FAT4: variants seen among roughly 807,000 people sequenced by gnomAD.
FAT4 encodes FAT atypical cadherin 4.
FAT4 carries 84 observed loss-of-function variants against 303.9 expected under a neutral mutation model. The observed-to-expected ratio is 0.28, with a 90% CI of 0.23 to 0.33. The LOEUF is 0.33. Ranked by LOEUF, FAT4 falls within the 10% of genes least tolerant of loss-of-function variation. The pLI, the probability that FAT4 is intolerant of heterozygous loss-of-function variation, is 1.00. For synonymous variants in FAT4, 2,307 were observed against 2,298.8 expected, an observed-to-expected ratio of 1.00 and a Z score of -0.10; for missense variants, 6,005 against 6,146.8, an observed-to-expected ratio of 0.98 and a Z score of 0.77.
intron 2 of FAT4, among the ~76,000 whole-genome samples, chr4:125,353,642 A>G (rs1732317087): frequency 6.6e-6 from 1 of 151,678 alleles, no homozygotes; most frequent in South Asian, 2.1e-4. Context: ...ACATACATAT[A>G]TGTATTATAT....
intron 2 of FAT4, among the ~76,000 whole-genome samples, chr4:125,337,655 G>GTTT (rs1385328015): frequency 6.6e-6 from 1 of 151,990 alleles, no homozygotes; most frequent in Admixed American, 6.6e-5. Flanking sequence ...AAACACTTAT[G>GTTT]TAAACACAGC....
chr4:125,317,206 G>A lies in FAT4; in HGVS notation c.795G>A (p.Val265=). ...YQAGVPEDAV[V]GSSVLQVAAA... ...CGGGGGTGCCTGAGGACGCGGTTGT[G>A]GGTTCCAGCGTCCTCCAGGTGGCGG... Residue 265 remains valine, a synonymous_variant, in exon 2 of 18, where the codon GTG becomes GTA. Coordinates refer to ENST00000394329, the MANE Select transcript of FAT4 (RefSeq NM_001291303.3). This position sits in a 1 kb window ranked among gnomAD's most constrained non-coding sequence, Gnocchi z 7.0. 1 of 1,588,408 alleles carries A rather than the reference G, an allele frequency of 6.3e-7. No individual in the cohort carries two copies. The highest frequency in any genetic ancestry group is 8.6e-7 in the Non-Finnish European group (1 of 1,164,838).
intron 2 of FAT4, among the ~76,000 whole-genome samples, chr4:125,342,136 A>G (rs918742422): frequency 2.0e-5 from 3 of 151,982 alleles, no homozygotes. Flanking sequence ...TGATAAATGC[A>G]TAAGTTTATG....
At chr4:125,370,103 G>T (rs1733049515) in intron 2 of FAT4, among the ~76,000 whole-genome samples, 1 of 151,830 alleles carries the variant, frequency 6.6e-6, no homozygotes, top group South Asian at 2.1e-4. Flanking sequence ...GATATAGGGT[G>T]ATAGAATTCA....
chr4:125,372,713 T>A (rs1185535979), intron 2 of FAT4, among the ~76,000 whole-genome samples: 1 of 152,208 alleles, frequency 6.6e-6, no homozygotes, highest in Non-Finnish European at 1.5e-5. Context: ...GCAAATCACA[T>A]TTCCTTTACA....
At chr4:125,424,987 T>G (rs1258498932) in intron 7 of FAT4, among the ~76,000 whole-genome samples, 1 of 152,150 alleles carries the variant, frequency 6.6e-6, no homozygotes, top group African/African-American at 2.4e-5. Flanking sequence ...AAGACTTAGT[T>G]TTTGGACATA....
chr4:125,416,836 C>T (rs947149722), intron 7 of FAT4, among the ~76,000 whole-genome samples: 1 of 152,018 alleles, frequency 6.6e-6, no homozygotes, highest in Admixed American at 6.6e-5. Context: ...ATCCCAGCTA[C>T]TCAGAAGGCT....
At chr4:125,327,788 C>T (rs1038705207) in intron 2 of FAT4, among the ~76,000 whole-genome samples, 5 of 152,076 alleles carry the variant, frequency 3.3e-5, no homozygotes, top group African/African-American at 1.2e-4. Context: ...GAGGAATCTG[C>T]TCTAGGAATA....
intron 2 of FAT4, among the ~76,000 whole-genome samples, chr4:125,389,062 A>T (rs937160816): frequency 6.6e-6 from 1 of 152,186 alleles, no homozygotes; most frequent in Non-Finnish European, 1.5e-5. Flanking sequence ...TGAGAAGTAC[A>T]TTCAGTTTTA....
Position 125,316,721 on chromosome 4 carries a change from G to A in FAT4, c.310G>A (p.Asp104Asn). 6.2e-7 allele frequency: 1 copy of A among 1,613,870 alleles called. No individual in the cohort carries two copies. Among genetic ancestry groups the A allele is most frequent in the Non-Finnish European group, 8.5e-7 (1 of 1,180,036 alleles). ...STIDRESLPSDVINLVVLSSA... is the reference protein window; with the variant it reads ...STIDRESLPSNVINLVVLSSA... The stretch of plus-strand genomic sequence containing the variant: ...CATCGACCGCGAGAGCCTGCCCAGC[G>A]ACGTGATCAACCTGGTGGTCCTTTC... Residue 104 changes from aspartate (D) to asparagine (N), a missense_variant, in exon 2 of 18, where the codon GAC (aspartate) becomes AAC (asparagine). Physicochemically the swap from Asp to Asn is conservative, Grantham distance 23 (BLOSUM62 1). Transcript: ENST00000394329. This position sits in a 1 kb window ranked among gnomAD's most constrained non-coding sequence, Gnocchi z 5.7.
In FAT4 at chr4:125,319,871, G is replaced by A. The variant is rs1376379931; in HGVS notation, c.3460G>A (p.Glu1154Lys). The A allele has an allele frequency of 6.2e-6, 10 of 1,614,152 alleles. No homozygotes were observed. The East Asian group carries it at 1.8e-4, about 29-fold the overall frequency. The change falls in exon 2 of 18, where the codon GAA (glutamate) becomes AAA (lysine). Residue 1154 changes from glutamate (E) to lysine (K), a missense_variant. Physicochemically the swap from Glu to Lys is moderately conservative, Grantham distance 56 (BLOSUM62 1). Coordinates refer to ENST00000394329, the MANE Select transcript of FAT4 (RefSeq NM_001291303.3). ...PDFELHAISG[E>K]ITNTHQFDRE... The stretch of plus-strand genomic sequence containing the variant: ...TTTTGAGTTGCATGCCATCAGTGGG[G>A]AAATTACAAATACTCATCAGTTTGA...
Position 125,317,811 on chromosome 4 carries a change from A to G in FAT4, c.1400A>G (p.Asp467Gly). The G allele has an allele frequency of 1.4e-5, 23 of 1,614,122 alleles. No individual in the cohort carries two copies. The highest frequency in any genetic ancestry group is 1.9e-5 in the Non-Finnish European group (23 of 1,180,014). Residue 467 changes from aspartate (D) to glycine (G), a missense_variant, in exon 2 of 18, where the codon GAC (aspartate) becomes GGC (glycine). Asp to Gly is a moderately conservative substitution (Grantham distance 94). Coordinates refer to ENST00000394329, the MANE Select transcript of FAT4 (RefSeq NM_001291303.3). The surrounding 1 kb of genome is among the most constrained non-coding windows in gnomAD (Gnocchi z 7.0). ...GCAAGCCTGGTGATTTTTGTTAATG[A>G]CATCAATGACCATCCTCCTGTCTTT... ...SVASLVIFVN[D>G]INDHPPVFSQ...
intron 2 of FAT4, among the ~76,000 whole-genome samples, chr4:125,323,574 A>G (rs1160803342): frequency 6.6e-6 from 1 of 152,170 alleles, no homozygotes; most frequent in African/African-American, 2.4e-5. Flanking sequence ...TGTAAACCCA[A>G]TTTGAGTTCT....
At chr4:125,458,337 T>C (rs571627285) in intron 10 of FAT4, among the ~76,000 whole-genome samples, 55 of 152,126 alleles carry the variant, frequency 3.6e-4, no homozygotes, top group African/African-American at 1.3e-3. Flanking sequence ...GTAATTTTAC[T>C]GAGAAACTTG....
intron 2 of FAT4, among the ~76,000 whole-genome samples, chr4:125,326,086 C>A (rs1321339427): frequency 6.6e-6 from 1 of 151,886 alleles, no homozygotes. Flanking sequence ...AAAAGAGCCA[C>A]TCGAAATAAT....
chr4:125,382,769 T>C (rs1303560267), intron 2 of FAT4, among the ~76,000 whole-genome samples: 1 of 152,334 alleles, frequency 6.6e-6, no homozygotes, highest in African/African-American at 2.4e-5. Flanking sequence ...AGGCTGTTCA[T>C]CTACATTGAA....
At chr4:125,440,606 T>TGAGAGAGA (rs777627667) in intron 8 of FAT4, among the ~76,000 whole-genome samples, 268 of 29,644 alleles carry the variant, frequency 9.0e-3, no homozygotes, top group Admixed American at 0.018. Flanking sequence ...TGTGTGTGTG[T>TGAGAGAGA]GTGTGAGAGA....
intron 2 of FAT4, among the ~76,000 whole-genome samples, chr4:125,352,469 ATGTTTTGTCTGAAAATGCACTAGCATGC>A (rs1732263332): frequency 6.6e-6 from 1 of 151,794 alleles, no homozygotes; most frequent in Non-Finnish European, 1.5e-5. Context: ...TAATCACTAA[ATGTTTTGTCTGAAAATGCACTAGCATGC>A]AGGCCACCAA....
At chr4:125,364,451 A>G (rs961350810) in intron 2 of FAT4, among the ~76,000 whole-genome samples, 7 of 152,126 alleles carry the variant, frequency 4.6e-5, no homozygotes, top group African/African-American at 1.7e-4. Flanking sequence ...TTAATAAATT[A>G]TGATAAGCAT....
Sources: allele counts gnomAD v4.1 joint callset (sites outside exome capture counted in the v4.1 genomes callset), GRCh38; gene constraint gnomAD v4.1.1; non-coding constraint Gnocchi (gnomAD v3.1); transcripts MANE v1.5; gene names NCBI Gene and HGNC (gene_info 2026-07-23, HGNC 2026-07-21).